Variants in FABP12 observed in about 807,000 individuals in gnomAD.
The protein encoded by FABP12 is fatty acid-binding protein 12.
A neutral mutation model predicts 13.7 loss-of-function variants in FABP12; 19 were observed. The observed-to-expected ratio is 1.39, with a 90% CI of 0.97 to 2.04. The LOEUF (loss-of-function observed/expected upper bound fraction) is 2.04. Ranked by LOEUF, FABP12 falls within the 30% of genes most tolerant of loss-of-function variation. FABP12 has a pLI of 0.00. For missense variants in FABP12, 182 were observed against 164.2 expected (o/e 1.11, Z -0.59); for synonymous variants, 61 against 57.0 (o/e 1.07, Z -0.32).
At chr8:81,532,899 A>G (rs1259666999) in intron 1 of FABP12, 2 of 152,370 alleles carry the variant, frequency 1.3e-5, no homozygotes, top group East Asian at 3.9e-4. Flanking sequence ...AATTTGTACG[A>G]CTGTGCTCAT....
upstream of FABP12, among the ~76,000 whole-genome samples, chr8:81,537,219 T>A (rs1809244178): frequency 7.3e-5 from 11 of 151,708 alleles, no homozygotes; most frequent in South Asian, 2.3e-3. Flanking sequence ...TTAAAATCAC[T>A]CTAAGTGCTG....
chr8:81,548,151 G>T (rs1049018860), intron 1 of FABP12, among the ~76,000 whole-genome samples: 1 of 152,124 alleles, frequency 6.6e-6, no homozygotes, highest in Non-Finnish European at 1.5e-5. Flanking sequence ...AAAACATACT[G>T]GTGCCCAATG....
At chr8:81,543,953 G>A (rs963214520) in intron 1 of FABP12, among the ~76,000 whole-genome samples, 1 of 152,068 alleles carries the variant, frequency 6.6e-6, no homozygotes, top group African/African-American at 2.4e-5. Flanking sequence ...CAACCTACAG[G>A]TTAGTACATT....
intron 1 of FABP12, among the ~76,000 whole-genome samples, chr8:81,578,413 TA>T (rs1174643357): frequency 6.6e-6 from 1 of 151,894 alleles, no homozygotes; most frequent in African/African-American, 2.4e-5. Flanking sequence ...ACACGAAAAA[TA>T]CAAGTCACTG....
intron 1 of FABP12, among the ~76,000 whole-genome samples, chr8:81,574,206 A>G (rs929870961): frequency 2.6e-5 from 4 of 152,102 alleles, no homozygotes; most frequent in African/African-American, 9.7e-5. Context: ...ATCTACTGAG[A>G]TGATCATGTG....
intron 1 of FABP12, among the ~76,000 whole-genome samples, chr8:81,558,107 T>C (rs1347388464): frequency 6.6e-6 from 1 of 152,220 alleles, no homozygotes; most frequent in African/African-American, 2.4e-5. Flanking sequence ...GCATTATTAT[T>C]GGCAAATCGG....
intron 1 of FABP12, among the ~76,000 whole-genome samples, chr8:81,553,168 TTC>T (rs1809548625): frequency 6.6e-6 from 1 of 152,180 alleles, no homozygotes; most frequent in Non-Finnish European, 1.5e-5. Context: ...AAGAAGGGAT[TTC>T]TCTCTTTCTC....
intron 1 of FABP12, among the ~76,000 whole-genome samples, chr8:81,568,806 A>G (rs1039592600): frequency 5.9e-5 from 9 of 152,240 alleles, no homozygotes; most frequent in Non-Finnish European, 1.3e-4. Context: ...TGTCATTTGT[A>G]GCAACATGGA....
chr8:81,536,752 T>C (rs1051188705), upstream of FABP12, among the ~76,000 whole-genome samples: 4 of 152,222 alleles, frequency 2.6e-5, no homozygotes, highest in Admixed American at 1.3e-4. Context: ...ATATTTTAGA[T>C]CAGGGGTTGG....
chr8:81,563,081 AGAGAGATACT>A (rs1809751969), intron 1 of FABP12, among the ~76,000 whole-genome samples: 1 of 152,252 alleles, frequency 6.6e-6, no homozygotes. Context: ...CTCAGCACAC[AGAGAGATACT>A]TTGTTTGAGG....
chr8:81,552,281 C>A (rs550082179), intron 1 of FABP12, among the ~76,000 whole-genome samples: 1 of 152,252 alleles, frequency 6.6e-6, no homozygotes, highest in Non-Finnish European at 1.5e-5. Flanking sequence ...AGAAACAGAG[C>A]AAGGTCCTTT....
At chr8:81,550,065 A>T (rs1441483586) in intron 1 of FABP12, among the ~76,000 whole-genome samples, 1 of 152,144 alleles carries the variant, frequency 6.6e-6, no homozygotes, top group African/African-American at 2.4e-5. Flanking sequence ...TTTGTCTCAA[A>T]TCTGTCCATT....
chr8:81,575,726 T>G (rs1283356442), intron 1 of FABP12, among the ~76,000 whole-genome samples: 1 of 152,230 alleles, frequency 6.6e-6, no homozygotes, highest in Non-Finnish European at 1.5e-5. Flanking sequence ...TTGTCTCTTT[T>G]AACTGCTGTT....
At chr8:81,539,791 G>A (rs1020798460) in intron 1 of FABP12, among the ~76,000 whole-genome samples, 7 of 152,170 alleles carry the variant, frequency 4.6e-5, no homozygotes, top group Admixed American at 3.9e-4. Context: ...GCAGCCTGAA[G>A]GCCTATGATT....
At chr8:81,547,188 T>G (rs982740435) in intron 1 of FABP12, among the ~76,000 whole-genome samples, 1 of 152,264 alleles carries the variant, frequency 6.6e-6, no homozygotes, top group African/African-American at 2.4e-5. Context: ...TAATTCAACA[T>G]TTTGTATTGC....
upstream of FABP12, among the ~76,000 whole-genome samples, chr8:81,534,488 AC>A (rs1809173351): frequency 6.6e-6 from 1 of 152,202 alleles, no homozygotes; most frequent in South Asian, 2.1e-4. Flanking sequence ...CTCAATCATT[AC>A]CAACTTTAAC....
chr8:81,526,039 A>G (rs1808891395), intron 4 of FABP12: 1 of 152,194 alleles, frequency 6.6e-6, no homozygotes, highest in Admixed American at 6.5e-5. Context: ...ATGAACTATA[A>G]AAGCTTTCTG....
intron 3 of FABP12, chr8:81,529,228 T>C (rs754899109): frequency 1.0e-5 from 6 of 595,020 alleles, no homozygotes; most frequent in East Asian, 2.8e-5. Context: ...AAAAATGCAA[T>C]TTTCAGGGCC....
chr8:81,566,915 ACT>A (rs1177863699), intron 1 of FABP12, among the ~76,000 whole-genome samples: 15 of 152,150 alleles, frequency 9.9e-5, no homozygotes, highest in African/African-American at 3.4e-4. Context: ...AAACCTAAAG[ACT>A]CTATCAAAAA....
Sources: allele counts gnomAD v4.1 joint callset (sites outside exome capture counted in the v4.1 genomes callset), GRCh38; gene constraint gnomAD v4.1.1; transcripts MANE v1.5; gene names NCBI Gene and HGNC (gene_info 2026-07-23, HGNC 2026-07-21).